SRPX: variants seen among roughly 807,000 people sequenced by gnomAD.
SRPX encodes sushi repeat containing protein X-linked, also known as sushi repeat-containing protein SRPX.
In SRPX, 24 loss-of-function variants were observed where a neutral mutation model predicts 38.1. The observed-to-expected ratio is 0.63, with a 90% CI of 0.46 to 0.89. The LOEUF is 0.89. Among genes scored for constraint, SRPX ranks in the 40% least tolerant of loss-of-function variants. The pLI, the probability that SRPX is intolerant of heterozygous loss-of-function variation, is 0.00. For missense variants in SRPX, 416 were observed against 377.8 expected, an observed-to-expected ratio of 1.10 and a Z score of -0.84; for synonymous variants, 184 against 153.8, an observed-to-expected ratio of 1.20 and a Z score of -1.45.
chrX:38,165,672 C>T (rs914275360), intron 4 of SRPX, among the ~76,000 whole-genome samples: 2 of 112,047 alleles, frequency 1.8e-5, no homozygotes, highest in East Asian at 2.8e-4. Flanking sequence ...GAGCACTTGC[C>T]ACTGGAACAA....
At chrX:38,199,937 T>C (rs1939079410) in intron 1 of SRPX, among the ~76,000 whole-genome samples, 1 of 112,390 alleles carries the variant, frequency 8.9e-6, no homozygotes, top group African/African-American at 3.2e-5. Flanking sequence ...TTGGGGGATT[T>C]GGCTTTTGTT....
intron 8 of SRPX, 71 bp downstream of exon 8, chrX:38,156,825 T>G: frequency 8.8e-7 from 1 of 1,138,145 alleles, no homozygotes; most frequent in South Asian, 2.1e-5. Context: ...TGGCCTTTGC[T>G]TTTAGTGAAA....
chrX:38,163,135 G>A (rs1938297612), intron 5 of SRPX, among the ~76,000 whole-genome samples: 1 of 112,615 alleles, frequency 8.9e-6, no homozygotes, highest in African/African-American at 3.2e-5. Context: ...TTTGTGGGAT[G>A]TGTATGTGAC....
intron 1 of SRPX, among the ~76,000 whole-genome samples, chrX:38,182,899 C>T (rs1193155597): frequency 9.0e-6 from 1 of 111,667 alleles, no homozygotes; most frequent in Non-Finnish European, 1.9e-5. Context: ...ACTACAACAT[C>T]AACCTTATAC....
At chrX:38,216,420 A>T (rs6521111) in intron 1 of SRPX, among the ~76,000 whole-genome samples, 42,527 of 112,067 alleles carry the variant, frequency 0.38, 6,058 homozygotes, top group East Asian at 0.48. Context: ...AGAGCCCAGG[A>T]TTTATTAGAA....
chrX:38,188,865 T>C (rs774980292), intron 1 of SRPX, among the ~76,000 whole-genome samples: 140 of 112,054 alleles, frequency 1.2e-3, no homozygotes, highest in African/African-American at 4.2e-3. Flanking sequence ...CTGTGGGTCT[T>C]GTCAAAAGTA....
intron 1 of SRPX, among the ~76,000 whole-genome samples, chrX:38,209,030 A>G (rs1939269316): frequency 9.3e-6 from 1 of 107,311 alleles, no homozygotes; most frequent in African/African-American, 3.4e-5. Flanking sequence ...TTTGGAAAAA[A>G]AGTGGTCAGC....
At chrX:38,163,715 G>A (rs1938307564) in intron 5 of SRPX, among the ~76,000 whole-genome samples, 1 of 112,561 alleles carries the variant, frequency 8.9e-6, no homozygotes, top group African/African-American at 3.2e-5. Context: ...CCAGGAGAAT[G>A]GGGTAGAGGT....
chrX:38,220,774 G>C lies in SRPX; in HGVS notation c.19C>G (p.Arg7Gly). 5 of 1,127,654 alleles carry C rather than the reference G, an allele frequency of 4.4e-6. No homozygotes were observed. The highest frequency in any genetic ancestry group is 5.8e-6 in the Non-Finnish European group (5 of 860,373). The allele number at this position is 1,127,654 out of a possible 1,213,427, so 92.9% of individuals were successfully genotyped here. MGSPAH[R>G]PALLLLLPPL... is the part of the protein sequence containing the mutation. The stretch of plus-strand genomic sequence containing the variant: ...GGCAGCAGCAGCAGCAGCGCGGGCC[G>C]ATGTGCGGGGCTCCCCATGGCGAGC... Residue 7 changes from arginine (R) to glycine (G), a missense_variant, in exon 1 of 10, where the codon CGG (arginine) becomes GGG (glycine). Transcript: ENST00000378533.
At chrX:38,210,066 C>T (rs190394101) in intron 1 of SRPX, among the ~76,000 whole-genome samples, 165 of 112,529 alleles carry the variant, frequency 1.5e-3, no homozygotes, top group African/African-American at 5.2e-3. Context: ...GTGAGATGTT[C>T]GGAGAAAACC....
chrX:38,171,276 A>G lies in SRPX; in HGVS notation c.526+605T>C, dbSNP rs755635712. 8.1e-5 allele frequency among the ~76,000 whole-genome samples: 9 copies of G among 111,402 alleles called. No individual in the cohort carries two copies. The East Asian group carries it at 2.6e-3, about 32-fold the overall frequency. ...CTCACAATCCCTGGAATGCTCATTA[A>G]AAAACAAAATGCTGTGCCTGACCCC... is the stretch of plus-strand genomic sequence containing the variant. On this transcript the variant is annotated intron_variant, in intron 4 of 9. Transcript: ENST00000378533.
At chrX:38,208,616 G>A (rs1025709645) in intron 1 of SRPX, among the ~76,000 whole-genome samples, 14 of 111,375 alleles carry the variant, frequency 1.3e-4, no homozygotes, top group African/African-American at 4.6e-4. Context: ...GGAAAATGAA[G>A]GGTGGGCCTG....
intron 1 of SRPX, among the ~76,000 whole-genome samples, chrX:38,195,406 T>C (rs1234602178): frequency 9.7e-6 from 1 of 102,969 alleles, no homozygotes; most frequent in African/African-American, 3.6e-5. Flanking sequence ...TTTTTTACCA[T>C]ACCCATATTA....
At chrX:38,165,040 C>T (rs1237314561) in intron 4 of SRPX, 145 bp from the exon 5 acceptor site, 3 of 497,542 alleles carry the variant, frequency 6.0e-6, no homozygotes, top group Non-Finnish European at 9.7e-6. Flanking sequence ...CCCCTTTTCT[C>T]CCTTCATAAT....
intron 2 of SRPX, among the ~76,000 whole-genome samples, chrX:38,175,441 A>G (rs898853575): frequency 2.7e-5 from 3 of 112,248 alleles, no homozygotes; most frequent in Non-Finnish European, 5.6e-5. Context: ...TACAAAAACC[A>G]ACAGTTCTGG....
chrX:38,184,502 G>A (rs894375048), intron 1 of SRPX, among the ~76,000 whole-genome samples: 2 of 111,744 alleles, frequency 1.8e-5, no homozygotes, highest in Non-Finnish European at 3.8e-5. Context: ...TTAACCTGAG[G>A]ATCATGGCCT....
intron 2 of SRPX, among the ~76,000 whole-genome samples, chrX:38,177,736 C>T (rs777259483): frequency 3.6e-5 from 4 of 111,499 alleles, no homozygotes; most frequent in East Asian, 2.8e-4. Flanking sequence ...GCTTTTTATA[C>T]GTGCTGGGGA....
At chrX:38,167,826 T>TGC (rs1432037229) in intron 4 of SRPX, among the ~76,000 whole-genome samples, 1 of 111,980 alleles carries the variant, frequency 8.9e-6, no homozygotes, top group Non-Finnish European at 1.9e-5. Context: ...AGTGGCACAA[T>TGC]ATCGGCTCAC....
chrX:38,161,069 A>T lies in SRPX; in HGVS notation c.654-15T>A, dbSNP rs1272157822. The T allele has an allele frequency of 8.3e-7, 1 of 1,207,795 alleles. No individual in the cohort carries two copies. The highest frequency in any genetic ancestry group is 2.2e-5 in the Admixed American group (1 of 45,832). ...TTAGAATGACACTTAGAGAAAAAAA[A>T]TCAGAAACAGGAAAGATGACATTAT... On this transcript the variant is annotated splice_polypyrimidine_tract_variant and intron_variant, in intron 5 of 9. Coordinates refer to ENST00000378533, the MANE Select transcript of SRPX (RefSeq NM_006307.5).
Sources: allele counts gnomAD v4.1 joint callset (sites outside exome capture counted in the v4.1 genomes callset), GRCh38; gene constraint gnomAD v4.1.1; transcripts MANE v1.5; gene names NCBI Gene and HGNC (gene_info 2026-07-23, HGNC 2026-07-21).